OCA2: variants seen among roughly 807,000 people sequenced by gnomAD.
OCA2 encodes the protein P protein.
In OCA2, 77 loss-of-function variants were observed where a neutral mutation model predicts 100.2. The ratio of observed to expected loss-of-function variants is 0.77; its 90% CI spans 0.64 to 0.93. OCA2 has a LOEUF of 0.93. Among genes scored for constraint, OCA2 ranks in the 40% least tolerant of loss-of-function variants. The pLI is 0.00. For synonymous variants in OCA2, 432 were observed against 439.2 expected, an observed-to-expected ratio of 0.98 and a Z score of 0.21; for missense variants, 1,062 against 1,089.1, an observed-to-expected ratio of 0.98 and a Z score of 0.35.
intron 21 of OCA2, among the ~76,000 whole-genome samples, chr15:27,861,376 C>T (rs957031089): frequency 7.2e-5 from 11 of 152,174 alleles, no homozygotes; most frequent in African/African-American, 2.4e-4. Flanking sequence ...GGTGGACAAC[C>T]GGGGCTAGGC....
the OCA2 span, among the ~76,000 whole-genome samples, chr15:27,728,898 T>C: frequency 2.0e-5 from 3 of 152,224 alleles, no homozygotes; most frequent in Admixed American, 1.3e-4. Flanking sequence ...TAGTGTCGTT[T>C]ACAACCTGGA....
chr15:27,882,226 G>A (rs1317025530), intron 19 of OCA2, among the ~76,000 whole-genome samples: 1 of 152,152 alleles, frequency 6.6e-6, no homozygotes, highest in Non-Finnish European at 1.5e-5. Flanking sequence ...TTCCACAGCT[G>A]CATGAGCTCT....
rs185200188 is a variant in OCA2, at chr15:27,863,891, A to C, written c.2244+7263T>G. Among the ~76,000 whole-genome samples, 4 of 152,206 alleles carry C rather than the reference A, an allele frequency of 2.6e-5. No individual in the cohort carries two copies. The East Asian group carries it at 7.7e-4, about 29-fold the overall frequency. ...TGCTTAAATCTCTGAGTGTCCTCAT[A>C]ATTTATCATTTGTTGTATTGTGTCG... On this transcript the variant is annotated intron_variant, in intron 21 of 23. Transcript: ENST00000354638.
chr15:27,957,648 A>C lies in OCA2; in HGVS notation c.1724T>G (p.Leu575Arg). 6.2e-7 allele frequency: 1 copy of C among 1,613,096 alleles called. No individual in the cohort carries two copies. The highest frequency in any genetic ancestry group is 8.5e-7 in the Non-Finnish European group (1 of 1,180,012). ...SREETAVRRL[L>R]LGKVLALEHL... ...CTCCAGTGCCAGCACCTTCCCCAGC[A>C]GCAGGCGGCGCACAGCTGTCTCCTC... The change falls in exon 16 of 24, where the codon CTG becomes CGG. Residue 575 changes from leucine (L) to arginine (R), a missense_variant. Coordinates refer to ENST00000354638, the MANE Select transcript of OCA2 (RefSeq NM_000275.3). This position sits in a 1 kb window ranked among gnomAD's most constrained non-coding sequence, Gnocchi z 4.3.
At chr15:27,911,221 C>T (rs923030744) in intron 19 of OCA2, among the ~76,000 whole-genome samples, 2 of 151,970 alleles carry the variant, frequency 1.3e-5, no homozygotes, top group Admixed American at 1.3e-4. Flanking sequence ...AAGAAAAGAA[C>T]AGCCTGCGGG....
In OCA2 at chr15:28,018,576, G is replaced by C. The variant is rs752418435; in HGVS notation, c.647-19C>G. 5.6e-6 allele frequency: 9 copies of C among 1,609,950 alleles called. No individual in the cohort carries two copies. Among genetic ancestry groups the C allele is most frequent in the Non-Finnish European group, 7.6e-6 (9 of 1,178,992 alleles). On this transcript the variant is annotated intron_variant, in intron 6 of 23. Transcript: ENST00000354638. ...TTCACGGCTCGGAGAGTGTCAAGGAGAACCACAAGGCAGACAGGAGAAACC... is the reference window on the plus strand; with the variant it reads ...TTCACGGCTCGGAGAGTGTCAAGGACAACCACAAGGCAGACAGGAGAAACC...
In OCA2 at chr15:28,063,871, C is replaced by T. The variant is rs192469880; in HGVS notation, c.227+17777G>A. On this transcript the variant is annotated intron_variant, in intron 2 of 23. Coordinates refer to ENST00000354638, the MANE Select transcript of OCA2 (RefSeq NM_000275.3). ...ATGCTGTGTTTTATGTTTTCCTATACAGATTTCTTTACTGGTGCTCTGTTT... is the reference window on the plus strand; with the variant it reads ...ATGCTGTGTTTTATGTTTTCCTATATAGATTTCTTTACTGGTGCTCTGTTT... 1.4e-3 allele frequency among the ~76,000 whole-genome samples: 219 copies of T among 152,208 alleles called. 2 individuals are homozygous for T. Among genetic ancestry groups the T allele is most frequent in the African/African-American group, 5.0e-3 (208 of 41,554 alleles).
Position 27,966,758 on chromosome 15 carries a change from C to G in OCA2, c.1568G>C (p.Cys523Ser), listed in dbSNP as rs778609798. Residue 523 changes from cysteine (C) to serine (S), a missense_variant, in exon 15 of 24, where the codon TGC becomes TCC. Coordinates refer to ENST00000354638, the MANE Select transcript of OCA2 (RefSeq NM_000275.3). ...GTAAAGGAGTCTGAGGAGCGGAAAGCAGACCAGGAGAACAAGGCAAATCCC... is the reference window on the plus strand; with the variant it reads ...GTAAAGGAGTCTGAGGAGCGGAAAGGAGACCAGGAGAACAAGGCAAATCCC... Reference protein sequence around the residue: ...FIGICLVLLVCFPLLRLLYWN... With the variant: ...FIGICLVLLVSFPLLRLLYWN... 3 of 1,613,662 alleles carry G rather than the reference C, an allele frequency of 1.9e-6. No individual in the cohort carries two copies. The highest frequency in any genetic ancestry group is 2.7e-5 in the African/African-American group (2 of 74,914).
At chr15:27,770,910 C>CCTT (rs2031750986) in intron 23 of OCA2, among the ~76,000 whole-genome samples, 1 of 122,984 alleles carries the variant, frequency 8.1e-6, no homozygotes, top group Non-Finnish European at 1.7e-5. Flanking sequence ...TTCCTTCCTT[C>CCTT]CCTCCTCCCT....
chr15:27,919,326 G>A (rs954628248), intron 19 of OCA2, among the ~76,000 whole-genome samples: 2 of 152,148 alleles, frequency 1.3e-5, no homozygotes, highest in African/African-American at 4.8e-5. Context: ...ATAGACGTTC[G>A]TAGCAGCTTT....
intron 1 of OCA2, among the ~76,000 whole-genome samples, chr15:28,092,425 G>A (rs116123022): frequency 0.021 from 3,195 of 152,172 alleles, 122 homozygotes; most frequent in African/African-American, 0.074. Flanking sequence ...GTGCAATCAC[G>A]CCTCACTGCA....
At chr15:27,747,980 G>A in the OCA2 span, among the ~76,000 whole-genome samples, 1 of 152,074 alleles carries the variant, frequency 6.6e-6, no homozygotes, top group Non-Finnish European at 1.5e-5. Flanking sequence ...TATAGTGGTG[G>A]GGCACCCACA....
rs905366350 is a variant in OCA2, at chr15:27,959,700, C to A, written c.1637-1965G>T. On this transcript the variant is annotated intron_variant, in intron 15 of 23. Coordinates refer to ENST00000354638, the MANE Select transcript of OCA2 (RefSeq NM_000275.3). ...GAGAAGCAAAGCCTGGGAACCAAGG[C>A]TATGCTGGTGGAGCTGACCTCCCAG... 3.3e-5 allele frequency among the ~76,000 whole-genome samples: 5 copies of A among 152,206 alleles called. No homozygotes were observed. In the South Asian group the frequency reaches 1.0e-3, roughly 32 times the overall value.
chr15:27,913,894 A>G lies in OCA2; in HGVS notation c.2079+12233T>C. Among the ~76,000 whole-genome samples the G allele has an allele frequency of 6.8e-5, 2 of 29,458 alleles. 1 individual carries two copies. Among genetic ancestry groups the G allele is most frequent in the Non-Finnish European group, 1.1e-4 (2 of 17,748 alleles). The allele number at this position is 29,458 out of a possible 152,430, so 19.3% of individuals were successfully genotyped here. A position where few individuals can be genotyped will look rare whatever the true frequency, so the allele number is the denominator to read the frequency against. On this transcript the variant is annotated intron_variant, in intron 19 of 23. Coordinates refer to ENST00000354638, the MANE Select transcript of OCA2 (RefSeq NM_000275.3). ...AAGAAAGAAAGAAAGAAAGAAAGAA[A>G]GCAAGCAAGCAAGCAAGCAAGCAAG...
In OCA2 at chr15:28,032,088, C is replaced by G. The variant is rs762855871; in HGVS notation, c.303G>C (p.Leu101=). ...DSCFTENTPL[L]RNSLQEKGSR... is the part of the protein sequence containing the mutation. ...ACCCTTTCTCCTGTAAGGAATTCCT[C>G]AGCAAAGGAGTGTTTTCTGTAAAGC... Residue 101 remains leucine (L), a synonymous_variant, in exon 3 of 24, where the codon CTG becomes CTC. Transcript: ENST00000354638. The G allele has an allele frequency of 6.2e-7, 1 of 1,613,842 alleles. No homozygotes were observed. Among genetic ancestry groups the G allele is most frequent in the South Asian group, 1.1e-5 (1 of 91,070 alleles).
At chr15:27,925,887 G>A (rs557171405) in intron 19 of OCA2, among the ~76,000 whole-genome samples, 38 of 152,156 alleles carry the variant, frequency 2.5e-4, no homozygotes, top group Middle Eastern at 6.8e-3. Context: ...AAATTAGAAT[G>A]AGTTTACAAA....
rs201567846 is a variant in OCA2 at position 27,814,883 on chromosome 15, T to TATAGATAG, written c.2432+30068_2432+30075dup. ...GGGCAACAGGGTGAGATTCTCTCTCTATAGATAGATAGATAGATAGATAGA... is the reference window on the plus strand; with the variant it reads ...GGGCAACAGGGTGAGATTCTCTCTCTATAGATAGATAGATAGATAGATAGATAGATAGA... On this transcript the variant is annotated intron_variant, in intron 23 of 23. Transcript: ENST00000354638. Among the ~76,000 whole-genome samples the TATAGATAG allele has an allele frequency of 9.9e-3, 1,006 of 101,862 alleles. 7 individuals carry two copies. Among genetic ancestry groups the TATAGATAG allele is most frequent in the Non-Finnish European group, 0.013 (588 of 46,938 alleles). The allele number at this position is 101,862 out of a possible 152,430, so 66.8% of individuals were successfully genotyped here.
intron 5 of OCA2, among the ~76,000 whole-genome samples, chr15:28,022,879 C>A (rs369199123): frequency 1.3e-5 from 2 of 152,178 alleles, no homozygotes; most frequent in Non-Finnish European, 2.9e-5. Flanking sequence ...AGGCATATGA[C>A]CCCTGTGATG....
At chr15:27,907,023 T>C (rs2038204254) in intron 19 of OCA2, among the ~76,000 whole-genome samples, 2 of 152,184 alleles carry the variant, frequency 1.3e-5, no homozygotes, top group African/African-American at 4.8e-5. Flanking sequence ...ACCACAAAGA[T>C]GGCACCATGC....
Sources: gnomAD v4.1 joint callset for allele counts (sites outside exome capture counted in the v4.1 genomes callset) on GRCh38, gnomAD v4.1.1 for gene constraint, Gnocchi (gnomAD v3.1) non-coding constraint, MANE v1.5 for transcripts, NCBI Gene and HGNC (gene_info 2026-07-23, HGNC 2026-07-21) for gene names.